Variants in EFCAB8 observed in about 807,000 individuals in gnomAD.
EFCAB8 encodes EF-hand calcium binding domain 8, also known as EF-hand calcium-binding domain-containing protein 8.
A neutral mutation model predicts 116.3 loss-of-function variants in EFCAB8; 100 were observed. That is an observed-to-expected ratio of 0.86 (90% CI 0.73 to 1.02). The LOEUF (loss-of-function observed/expected upper bound fraction) is 1.02. Among genes scored for constraint, EFCAB8 ranks in the 50% least tolerant of loss-of-function variants. EFCAB8 has a pLI of 0.00. For missense variants in EFCAB8, 1,320 were observed against 1,416.9 expected, an observed-to-expected ratio of 0.93 and a Z score of 1.10; for synonymous variants, 558 against 567.9, an observed-to-expected ratio of 0.98 and a Z score of 0.25.
intron 23 of EFCAB8, among the ~76,000 whole-genome samples, chr20:32,945,779 G>A (rs112564966): frequency 0.016 from 2,430 of 152,142 alleles, 51 homozygotes; most frequent in African/African-American, 0.049. Flanking sequence ...AAAGATTCTG[G>A]GTGCCTCCCC....
chr20:32,874,178 C>A (rs1025896426), intron 3 of EFCAB8, among the ~76,000 whole-genome samples: 8 of 152,152 alleles, frequency 5.3e-5, no homozygotes, highest in African/African-American at 1.9e-4. Flanking sequence ...ACCTCAGCCT[C>A]CCAAAGTACT....
intron 20 of EFCAB8, among the ~76,000 whole-genome samples, chr20:32,926,668 A>T (rs1231785485): frequency 3.1e-5 from 3 of 98,360 alleles, no homozygotes; most frequent in Non-Finnish European, 2.0e-5. Flanking sequence ...CCCTCCCCCG[A>T]CCCCACAACA....
intron 16 of EFCAB8, among the ~76,000 whole-genome samples, 155 bp from the exon 17 acceptor site, chr20:32,912,639 G>C (rs372429065): frequency 2.6e-5 from 4 of 152,248 alleles, no homozygotes; most frequent in South Asian, 4.1e-4. Flanking sequence ...TAGGATGTGA[G>C]AACATGATGA....
At chr20:32,869,976 A>AT (rs1016635402) in intron 3 of EFCAB8, among the ~76,000 whole-genome samples, 2 of 152,096 alleles carry the variant, frequency 1.3e-5, no homozygotes, top group African/African-American at 4.8e-5. Flanking sequence ...TTAGAGCTTG[A>AT]TTTTTCCCCC....
intron 10 of EFCAB8, chr20:32,898,272 G>A: frequency 2.1e-6 from 1 of 485,548 alleles, no homozygotes; most frequent in Non-Finnish European, 3.7e-6. Flanking sequence ...AAGTAGGCTT[G>A]TGTGCTTTTA....
At chr20:32,892,804 A>G (rs554208421) in intron 8 of EFCAB8, among the ~76,000 whole-genome samples, 1 of 149,156 alleles carries the variant, frequency 6.7e-6, no homozygotes, top group Admixed American at 6.7e-5. Context: ...TTGGGGGGCC[A>G]GGGAGGGAGT....
At chr20:32,942,120 G>A (rs1304170317) in intron 22 of EFCAB8, among the ~76,000 whole-genome samples, 2 of 151,982 alleles carry the variant, frequency 1.3e-5, no homozygotes, top group African/African-American at 4.8e-5. Context: ...TTTATTAGTG[G>A]TATTCATCTG....
intron 5 of EFCAB8, among the ~76,000 whole-genome samples, chr20:32,881,932 G>A (rs1461562217): frequency 6.6e-6 from 1 of 152,194 alleles, no homozygotes; most frequent in Non-Finnish European, 1.5e-5. Context: ...CCCTGCCCAG[G>A]CATGGTGGCT....
In EFCAB8 at chr20:32,943,724, A is replaced by T. The variant is rs2146291931; in HGVS notation, c.2879A>T (p.Tyr960Phe). ...TTGAATAGTGTGGCAGACATCCTGT[A>T]TGTGGACAACTTCCAGCTGGTTATC... is the stretch of plus-strand genomic sequence containing the variant. ...GHLNSVADILYVDNFQLVISA... is the reference protein window; with the variant it reads ...GHLNSVADILFVDNFQLVISA... Residue 960 changes from tyrosine (Y) to phenylalanine (F), a missense_variant, in exon 23 of 27, where the codon TAT becomes TTT. Transcript: ENST00000400522. 1 of 416,944 alleles carries T rather than the reference A, an allele frequency of 2.4e-6. No homozygotes were observed. Among genetic ancestry groups the T allele is most frequent in the South Asian group, 1.3e-4 (1 of 7,954 alleles). The allele number at this position is 416,944 out of a possible 1,614,324, so 25.8% of individuals were successfully genotyped here.
intron 2 of EFCAB8, 146 bp downstream of exon 2, chr20:32,863,980 G>A: frequency 1.1e-6 from 1 of 907,412 alleles, no homozygotes; most frequent in African/African-American, 1.8e-5. Context: ...TAACTTAAGT[G>A]TATTTTTTTT....
At chr20:32,920,943 T>G (rs1240960882) in intron 20 of EFCAB8, among the ~76,000 whole-genome samples, 3 of 152,122 alleles carry the variant, frequency 2.0e-5, no homozygotes, top group Non-Finnish European at 4.4e-5. Flanking sequence ...ACGAGTTGGG[T>G]ATGGGTTCAT....
At chr20:32,875,206 TG>T (rs1316489347) in intron 3 of EFCAB8, among the ~76,000 whole-genome samples, 1 of 152,022 alleles carries the variant, frequency 6.6e-6, no homozygotes, top group Non-Finnish European at 1.5e-5. Flanking sequence ...CCAGGACTTG[TG>T]GGGTGGTTGA....
At chr20:32,915,957 C>G (rs1568927913) in intron 17 of EFCAB8, among the ~76,000 whole-genome samples, 1 of 152,084 alleles carries the variant, frequency 6.6e-6, no homozygotes, top group African/African-American at 2.4e-5. Context: ...CAGGCATGAG[C>G]CACCCTGCCC....
At chr20:32,897,400 A>C (rs566244439) in intron 10 of EFCAB8, among the ~76,000 whole-genome samples, 1 of 148,498 alleles carries the variant, frequency 6.7e-6, no homozygotes, top group Non-Finnish European at 1.5e-5. Context: ...TGAATGACGC[A>C]CTCAGGGCGG....
intron 2 of EFCAB8, among the ~76,000 whole-genome samples, chr20:32,866,812 TCTTCCTTCCTTCCTTCCCTC>T (rs1221169269): frequency 8.0e-6 from 1 of 124,564 alleles, no homozygotes; most frequent in Non-Finnish European, 1.6e-5. Context: ...TCCCTCCCTC[TCTTCCTTCCTTCCTTCCCTC>T]CTTCCTTCCT....
intron 16 of EFCAB8, among the ~76,000 whole-genome samples, chr20:32,912,312 C>T (rs898987746): frequency 1.7e-4 from 26 of 151,798 alleles, no homozygotes; most frequent in African/African-American, 6.1e-4. Context: ...GTGGTGGTGG[C>T]TGCCTGTAAT....
intron 22 of EFCAB8, among the ~76,000 whole-genome samples, chr20:32,936,502 T>C (rs1568940263): frequency 6.6e-6 from 1 of 152,200 alleles, no homozygotes; most frequent in Non-Finnish European, 1.5e-5. Context: ...CTGTGTGAGA[T>C]AAGGATCCAA....
chr20:32,938,262 C>T lies in EFCAB8; in HGVS notation c.2791-5374C>T, dbSNP rs1988199174. Among the ~76,000 whole-genome samples, 2 of 149,884 alleles carry T rather than the reference C, an allele frequency of 1.3e-5. 1 individual carries two copies. On this transcript the variant is annotated intron_variant, in intron 22 of 26. Coordinates refer to ENST00000400522, the MANE Select transcript of EFCAB8 (RefSeq NM_001143967.2). ...AAGAGCATTTAACAAAATTGAACACCGTTTTCTGATTGAAACACCCAATAA... is the reference window on the plus strand; with the variant it reads ...AAGAGCATTTAACAAAATTGAACACTGTTTTCTGATTGAAACACCCAATAA...
At position 32,911,663 on chromosome 20, in the gene EFCAB8, ATT is replaced by A; in HGVS notation, c.1742_1743del (p.Ile581ArgfsTer16). The A allele has an allele frequency of 6.4e-7, 1 of 1,551,728 alleles. No individual in the cohort carries two copies. The highest frequency in any genetic ancestry group is 2.4e-5 in the East Asian group (1 of 40,924). ...CACAATGAAGATGTGGAACTACAAC[ATT>A]GGCAAATGCCTGTTGACCTTTCCCA... is the stretch of plus-strand genomic sequence containing the variant. ...DGTMKMWNYN[I>X]GKCLLTFPSP... On this transcript the variant is annotated frameshift_variant, in exon 16 of 27. Transcript: ENST00000400522. LOFTEE classifies it high-confidence loss of function.
Sources: allele counts gnomAD v4.1 joint callset (sites outside exome capture counted in the v4.1 genomes callset), GRCh38; gene constraint gnomAD v4.1.1; transcripts MANE v1.5; gene names NCBI Gene and HGNC (gene_info 2026-07-23, HGNC 2026-07-21).